BRINP2: variants seen among roughly 807,000 people sequenced by gnomAD.
The protein encoded by BRINP2 is BMP/retinoic acid inducible neural specific 2.
In BRINP2, 21 loss-of-function variants were observed where a neutral mutation model predicts 69.2. That is an observed-to-expected ratio of 0.30 (90% confidence interval 0.22 to 0.44). The LOEUF (loss-of-function observed/expected upper bound fraction) is 0.44, where lower values mean the gene tolerates loss of function less well. BRINP2 is among the 20% of genes least tolerant of loss of function. The pLI is 1.00. For synonymous variants in BRINP2, 380 were observed against 394.1 expected (o/e 0.96, Z 0.42); for missense variants, 877 against 986.0 (o/e 0.89, Z 1.48).
chr1:177,249,254 T>C (rs1650504539), intron 2 of BRINP2, among the ~76,000 whole-genome samples: 2 of 152,224 alleles, frequency 1.3e-5, no homozygotes, highest in African/African-American at 2.4e-5. Context: ...CACCCTTTCC[T>C]GGAAATACAT....
intron 1 of BRINP2, among the ~76,000 whole-genome samples, chr1:177,214,229 C>T (rs1388131299): frequency 3.9e-5 from 6 of 152,062 alleles, no homozygotes; most frequent in East Asian, 3.9e-4. Flanking sequence ...GTTAGGAGTT[C>T]GAGACCAGCC....
intron 1 of BRINP2, among the ~76,000 whole-genome samples, chr1:177,194,370 C>G (rs983469367): frequency 6.6e-6 from 1 of 152,156 alleles, no homozygotes; most frequent in African/African-American, 2.4e-5. Flanking sequence ...TATCCACCAT[C>G]CAAGGAGGAT....
chr1:177,281,342 G>C lies in BRINP2; in HGVS notation c.2166G>C (p.Glu722Asp), dbSNP rs1651695170. ...SQDSALLQLIELRDRVNQLSP... is the reference protein window; with the variant it reads ...SQDSALLQLIDLRDRVNQLSP... ...ACTCTGCACTCTTGCAGCTCATTGA[G>C]CTCAGGGACCGGGTGAACCAGCTTT... Residue 722 changes from glutamate to aspartate, a missense_variant, in exon 8 of 8, where the codon GAG (glutamate) becomes GAC (aspartate). Coordinates refer to ENST00000361539, the MANE Select transcript of BRINP2 (RefSeq NM_021165.4). 2.1e-5 allele frequency: 34 copies of C among 1,614,050 alleles called. No homozygotes were observed. Among genetic ancestry groups the C allele is most frequent in the Non-Finnish European group, 2.8e-5 (33 of 1,180,042 alleles).
At position 177,281,027 on chromosome 1, in the gene BRINP2, C is replaced by T. The variant is rs753787662; in HGVS notation, c.1851C>T (p.Asn617=). 23 of 1,614,086 alleles carry T rather than the reference C, an allele frequency of 1.4e-5. No homozygotes were observed. Among genetic ancestry groups the T allele is most frequent in the Admixed American group, 1.3e-4 (8 of 60,008 alleles). The change falls in exon 8 of 8, where the codon AAC becomes AAT. Residue 617 remains asparagine (N), a synonymous_variant. Transcript: ENST00000361539. ...GCTTTCCTGACTGGGAAAGGACTAA[C>T]GTGGATGCAGCTGCCCAGTGCCAAA... ...EGSFPDWERT[N]VDAAAQCQNW...
intron 7 of BRINP2, among the ~76,000 whole-genome samples, chr1:177,279,052 A>G (rs547118288): frequency 6.6e-6 from 1 of 152,338 alleles, no homozygotes; most frequent in South Asian, 2.1e-4. Flanking sequence ...ATTCTCATTT[A>G]CTGATTTCCA....
chr1:177,176,887 C>T (rs1648103928), intron 1 of BRINP2, among the ~76,000 whole-genome samples: 1 of 152,010 alleles, frequency 6.6e-6, no homozygotes, highest in South Asian at 2.1e-4. Flanking sequence ...CTAATATTTT[C>T]GAGTTTTTGA....
At chr1:177,233,121 G>A (rs1649912956) in intron 2 of BRINP2, among the ~76,000 whole-genome samples, 2 of 152,184 alleles carry the variant, frequency 1.3e-5, no homozygotes, top group South Asian at 4.1e-4. Flanking sequence ...GGATGTTGGA[G>A]TATGCTCTAA....
At chr1:177,268,577 T>G (rs1221001745) in intron 4 of BRINP2, among the ~76,000 whole-genome samples, 3 of 152,218 alleles carry the variant, frequency 2.0e-5, no homozygotes, top group Admixed American at 6.5e-5. Flanking sequence ...ATGTATTCCT[T>G]AAGACCTCAC....
At chr1:177,215,291 T>C (rs1649343555) in intron 1 of BRINP2, among the ~76,000 whole-genome samples, 1 of 152,194 alleles carries the variant, frequency 6.6e-6, no homozygotes, top group South Asian at 2.1e-4. Context: ...CTATGAAAAA[T>C]GACATTGGGA....
chr1:177,196,818 G>A (rs1321294530), intron 1 of BRINP2, among the ~76,000 whole-genome samples: 1 of 152,044 alleles, frequency 6.6e-6, no homozygotes, highest in East Asian at 1.9e-4. Context: ...GTCATTTAGA[G>A]ACTAAATAGC....
chr1:177,252,487 A>G (rs1370117118), intron 2 of BRINP2, among the ~76,000 whole-genome samples: 3 of 152,174 alleles, frequency 2.0e-5, no homozygotes, highest in Admixed American at 2.0e-4. Context: ...TATTGGTGTG[A>G]TGTTTCAATA....
At chr1:177,198,378 T>G (rs971974656) in intron 1 of BRINP2, among the ~76,000 whole-genome samples, 8 of 152,232 alleles carry the variant, frequency 5.3e-5, no homozygotes, top group Non-Finnish European at 2.9e-5. Flanking sequence ...TTTCACTTAT[T>G]GCAATGAGCA....
intron 2 of BRINP2, among the ~76,000 whole-genome samples, chr1:177,255,187 C>T (rs931208666): frequency 3.2e-4 from 48 of 152,258 alleles, no homozygotes; most frequent in African/African-American, 1.2e-3. Flanking sequence ...TATGAGAGTG[C>T]AGCTCTTTTC....
intron 1 of BRINP2, among the ~76,000 whole-genome samples, chr1:177,207,495 C>A (rs1244298154): frequency 6.6e-6 from 1 of 152,110 alleles, no homozygotes; most frequent in Non-Finnish European, 1.5e-5. Flanking sequence ...TTTGTTGGAA[C>A]CAGAGATTTG....
In BRINP2 at chr1:177,281,507, G is replaced by T. The variant is rs1190285193; in HGVS notation, c.2331G>T (p.Glu777Asp). 6.2e-7 allele frequency: 1 copy of T among 1,607,188 alleles called. No homozygotes were observed. Among genetic ancestry groups the T allele is most frequent in the Admixed American group, 1.7e-5 (1 of 59,834 alleles). ...AGCTGCCAAACCCTGTGGAATATGA[G>T]ACCGGCAAACTCTGTAGCTAATGGG... ...NSKLPNPVEY[E>D]TGKLCS The change falls in exon 8 of 8, where the codon GAG (glutamate) becomes GAT (aspartate). Residue 777 changes from glutamate (E) to aspartate (D), a missense_variant. This residue lies in a region of BRINP2 where 225 missense variants were observed against 218.7 expected (regional missense o/e 1.03). Coordinates refer to ENST00000361539, the MANE Select transcript of BRINP2 (RefSeq NM_021165.4).
chr1:177,181,608 G>A (rs141013587), intron 1 of BRINP2, among the ~76,000 whole-genome samples: 2 of 152,216 alleles, frequency 1.3e-5, no homozygotes, highest in African/African-American at 4.8e-5. Flanking sequence ...AACTAAGCAC[G>A]CAGTGAGGAC....
intron 6 of BRINP2, 111 bp from the exon 7 acceptor site, chr1:177,278,452 C>T (rs1224423172): frequency 1.0e-5 from 10 of 974,114 alleles, no homozygotes; most frequent in Non-Finnish European, 1.5e-5. Context: ...GTGCAGCCTC[C>T]TTTCTCATGC....
chr1:177,187,208 T>C (rs1648452639), intron 1 of BRINP2, among the ~76,000 whole-genome samples: 1 of 147,348 alleles, frequency 6.8e-6, no homozygotes, highest in Admixed American at 6.6e-5. Flanking sequence ...ACTCAACTGT[T>C]TCCTGCCCTA....
chr1:177,176,073 G>A (rs1341540954), intron 1 of BRINP2, among the ~76,000 whole-genome samples: 1 of 152,204 alleles, frequency 6.6e-6, no homozygotes, highest in Admixed American at 6.5e-5. Flanking sequence ...CTCTGCCATA[G>A]ACAGAGAAGT....
Sources: gnomAD v4.1 joint callset for allele counts (sites outside exome capture counted in the v4.1 genomes callset) on GRCh38, gnomAD v4.1.1 for gene constraint, gnomAD v4.1.1 regional missense constraint, MANE v1.5 for transcripts, NCBI Gene and HGNC (gene_info 2026-07-23, HGNC 2026-07-21) for gene names.